Variants in SATB2 observed in about 807,000 individuals in gnomAD.
SATB2 encodes the protein DNA-binding protein SATB2.
Under a neutral mutation model 73.4 loss-of-function variants are expected in SATB2, and 1 was observed. The observed-to-expected ratio is 0.01, with a 90% CI of 0.00 to 0.06. The LOEUF is 0.06. Among genes scored for constraint, SATB2 ranks in the 10% least tolerant of loss-of-function variants. The pLI, the probability that SATB2 is intolerant of heterozygous loss-of-function variation, is 1.00. For synonymous variants in SATB2, 397 were observed against 367.0 expected, an observed-to-expected ratio of 1.08 and a Z score of -0.93; for missense variants, 459 against 945.8, an observed-to-expected ratio of 0.49 and a Z score of 6.75.
intron 2 of SATB2, among the ~76,000 whole-genome samples, chr2:199,448,161 A>G (rs1157696355): frequency 6.6e-6 from 1 of 152,220 alleles, no homozygotes; most frequent in Non-Finnish European, 1.5e-5. Flanking sequence ...TGCTATTTCA[A>G]GTGTTTTGAT....
chr2:199,287,494 G>C (rs1692723914), intron 10 of SATB2, among the ~76,000 whole-genome samples: 1 of 151,410 alleles, frequency 6.6e-6, no homozygotes, highest in African/African-American at 2.4e-5. Flanking sequence ...TCCCTTCATA[G>C]TATTTATAAA....
chr2:199,376,921 C>G (rs1689621409), intron 5 of SATB2, among the ~76,000 whole-genome samples: 2 of 152,188 alleles, frequency 1.3e-5, no homozygotes, highest in South Asian at 4.1e-4. Flanking sequence ...CAAAAGCAAG[C>G]AAGTGTCAAA....
rs557629346 is a variant in SATB2, at chr2:199,464,184, G to C, written c.-141+652C>G. ...TCAGTCCGTCAAGACCTTGGCCTCCGGGAAAGGCCCAAGTGACTGTGACGG... is the reference window on the plus strand; with the variant it reads ...TCAGTCCGTCAAGACCTTGGCCTCCCGGAAAGGCCCAAGTGACTGTGACGG... On this transcript the variant is annotated intron_variant, in intron 1 of 11. Transcript: ENST00000260926. The surrounding 1 kb of genome is among the most constrained non-coding windows in gnomAD (Gnocchi z 6.6). 6.6e-6 allele frequency among the ~76,000 whole-genome samples: 1 copy of C among 152,140 alleles called. No homozygotes were observed. Among genetic ancestry groups the C allele is most frequent in the Non-Finnish European group, 1.5e-5 (1 of 68,036 alleles).
intron 3 of SATB2, among the ~76,000 whole-genome samples, chr2:199,403,511 G>T (rs1690543346): frequency 6.6e-6 from 1 of 151,986 alleles, no homozygotes; most frequent in Non-Finnish European, 1.5e-5. Flanking sequence ...AACACCAAGG[G>T]GGAATTTTAT....
chr2:199,341,270 AAAAT>A (rs1480312794), intron 7 of SATB2, among the ~76,000 whole-genome samples: 1 of 152,236 alleles, frequency 6.6e-6, no homozygotes, highest in Non-Finnish European at 1.5e-5. Context: ...TGTCAGCACT[AAAAT>A]AAATTCAGGA....
At chr2:199,407,741 T>C (rs923506274) in intron 3 of SATB2, among the ~76,000 whole-genome samples, 1 of 152,132 alleles carries the variant, frequency 6.6e-6, no homozygotes, top group South Asian at 2.1e-4. Flanking sequence ...GGAGCTAATA[T>C]AGAAAATAAA....
chr2:199,370,009 C>A (rs1689396033), intron 5 of SATB2, among the ~76,000 whole-genome samples: 1 of 152,160 alleles, frequency 6.6e-6, no homozygotes, highest in South Asian at 2.1e-4. Flanking sequence ...CTGAACACAG[C>A]ACTGGGAACT....
chr2:199,293,818 C>T (rs1250104333), intron 10 of SATB2, among the ~76,000 whole-genome samples: 1 of 151,982 alleles, frequency 6.6e-6, no homozygotes, highest in African/African-American at 2.4e-5. Flanking sequence ...ATATATACAC[C>T]CTTTCAGCCT....
At chr2:199,287,353 T>C (rs1692719877) in intron 10 of SATB2, among the ~76,000 whole-genome samples, 1 of 152,090 alleles carries the variant, frequency 6.6e-6, no homozygotes, top group South Asian at 2.1e-4. Context: ...TTTTAAGATA[T>C]ATGAAGGAAA....
chr2:199,469,206 G>A (rs1323145559), upstream of SATB2, among the ~76,000 whole-genome samples: 2 of 152,186 alleles, frequency 1.3e-5, no homozygotes, highest in African/African-American at 4.8e-5. Flanking sequence ...TAATCATTTT[G>A]TTAACCGGAA....
intron 6 of SATB2, among the ~76,000 whole-genome samples, chr2:199,352,102 G>C (rs1688835066): frequency 6.6e-6 from 1 of 152,176 alleles, no homozygotes; most frequent in Non-Finnish European, 1.5e-5. Flanking sequence ...TCAAACTCCT[G>C]ACCTCAGGTG....
intron 6 of SATB2, among the ~76,000 whole-genome samples, chr2:199,362,715 C>T (rs1311320462): frequency 3.3e-5 from 5 of 152,070 alleles, no homozygotes; most frequent in African/African-American, 1.2e-4. Flanking sequence ...AAAATAGAAG[C>T]TAGAATTTGT....
intron 10 of SATB2, among the ~76,000 whole-genome samples, chr2:199,297,312 C>T (rs1027471307): frequency 6.6e-6 from 1 of 152,142 alleles, no homozygotes; most frequent in Non-Finnish European, 1.5e-5. Context: ...AGAGCTCATC[C>T]TATATTCCTT....
At chr2:199,333,476 G>A (rs1378742002) in intron 7 of SATB2, among the ~76,000 whole-genome samples, 8 of 152,070 alleles carry the variant, frequency 5.3e-5, no homozygotes, top group Non-Finnish European at 8.8e-5. Context: ...ATAAAGTTAC[G>A]ATGAATATTG....
intron 3 of SATB2, among the ~76,000 whole-genome samples, chr2:199,404,383 A>C (rs1690572472): frequency 6.6e-6 from 1 of 152,166 alleles, no homozygotes; most frequent in Non-Finnish European, 1.5e-5. Context: ...ATAACCAATA[A>C]CTCTCAGTTA....
At chr2:199,459,791 A>T (rs1692429955), upstream of SATB2, 1 of 152,692 alleles carries the variant, frequency 6.5e-6, no homozygotes, top group Non-Finnish European at 1.5e-5. This position sits in a 1 kb window ranked among gnomAD's most constrained non-coding sequence, Gnocchi z 4.2. Context: ...TGCTGGGAGC[A>T]GAGACTGCGA....
At chr2:199,286,715 G>A (rs1692699368) in intron 10 of SATB2, among the ~76,000 whole-genome samples, 1 of 152,128 alleles carries the variant, frequency 6.6e-6, no homozygotes, top group Admixed American at 6.5e-5. Flanking sequence ...AAATTCACAG[G>A]AAAGGCCTAT....
At chr2:199,280,300 A>T (rs1692447304) in intron 10 of SATB2, among the ~76,000 whole-genome samples, 2 of 152,134 alleles carry the variant, frequency 1.3e-5, no homozygotes, top group Non-Finnish European at 2.9e-5. Context: ...TAAGCTGAGG[A>T]GGATGTATGT....
intron 10 of SATB2, among the ~76,000 whole-genome samples, chr2:199,280,601 C>T (rs1692457618): frequency 6.6e-6 from 1 of 152,078 alleles, no homozygotes; most frequent in African/African-American, 2.4e-5. Flanking sequence ...GAAATGGCCG[C>T]TTTGGGGGTG....
Sources: allele counts gnomAD v4.1 joint callset (sites outside exome capture counted in the v4.1 genomes callset), GRCh38; gene constraint gnomAD v4.1.1; non-coding constraint Gnocchi (gnomAD v3.1); transcripts MANE v1.5; gene names NCBI Gene and HGNC (gene_info 2026-07-23, HGNC 2026-07-21).